Variants in PTPRN2 observed in about 807,000 individuals in gnomAD.
PTPRN2 encodes receptor-type tyrosine-protein phosphatase N2.
Under a neutral mutation model 118.8 loss-of-function variants are expected in PTPRN2, and 74 were observed. The observed-to-expected ratio is 0.62, with a 90% CI of 0.52 to 0.76. The LOEUF is 0.76. Among genes scored for constraint, PTPRN2 ranks in the 30% least tolerant of loss-of-function variants. PTPRN2 has a pLI of 0.00. For synonymous variants in PTPRN2, 641 were observed against 608.0 expected, an observed-to-expected ratio of 1.05 and a Z score of -0.80; for missense variants, 1,481 against 1,394.4, an observed-to-expected ratio of 1.06 and a Z score of -0.99.
chr7:158,089,406 A>C (rs1304378842), intron 10 of PTPRN2, among the ~76,000 whole-genome samples: 1 of 39,030 alleles, frequency 2.6e-5, no homozygotes, highest in African/African-American at 4.9e-5. Context: ...TCTTCACACA[A>C]ACCTTCCTCC....
intron 13 of PTPRN2, among the ~76,000 whole-genome samples, chr7:157,664,414 C>T (rs1038428270): frequency 6.6e-6 from 1 of 152,268 alleles, no homozygotes; most frequent in African/African-American, 2.4e-5. Context: ...CAGCCAGTGA[C>T]AGAAATGGCC....
At chr7:157,653,519 G>C (rs1301149741) in intron 14 of PTPRN2, among the ~76,000 whole-genome samples, 4 of 152,108 alleles carry the variant, frequency 2.6e-5, no homozygotes, top group African/African-American at 9.7e-5. Flanking sequence ...GTGGCGGTCA[G>C]TGCCCCGAGA....
intron 6 of PTPRN2, among the ~76,000 whole-genome samples, chr7:158,163,774 T>C (rs1029862399): frequency 3.9e-5 from 6 of 152,102 alleles, no homozygotes; most frequent in African/African-American, 1.5e-4. Context: ...TGTACGGGGT[T>C]CTCAATTCTA....
rs1476314105 is a variant in PTPRN2, at chr7:158,544,911, C to G, written c.112+42647G>C. Among the ~76,000 whole-genome samples, 1 of 152,216 alleles carries G rather than the reference C, an allele frequency of 6.6e-6. No homozygotes were observed. The highest frequency in any genetic ancestry group is 1.5e-5 in the Non-Finnish European group (1 of 68,040). On this transcript the variant is annotated intron_variant, in intron 1 of 22. Coordinates refer to ENST00000389418, the MANE Select transcript of PTPRN2 (RefSeq NM_002847.5). This position sits in a 1 kb window ranked among gnomAD's most constrained non-coding sequence, Gnocchi z 4.2. ...ACACTGGTGCTCACACTCACGTGAT[C>G]ACACCCACTCTTTCTTCTTGTGGAA...
chr7:157,667,142 G>A (rs1172588634), intron 13 of PTPRN2, among the ~76,000 whole-genome samples: 1 of 103,118 alleles, frequency 9.7e-6, no homozygotes, highest in South Asian at 2.9e-4. Flanking sequence ...TACACAGCCT[G>A]GCTTGCACGC....
intron 1 of PTPRN2, among the ~76,000 whole-genome samples, chr7:158,535,248 A>T (rs1410000001): frequency 6.6e-6 from 1 of 152,228 alleles, no homozygotes; most frequent in Non-Finnish European, 1.5e-5. Flanking sequence ...AGATACTCTT[A>T]ACTACTCAGT....
At chr7:158,363,661 G>A (rs1259570759) in intron 2 of PTPRN2, among the ~76,000 whole-genome samples, 1 of 152,192 alleles carries the variant, frequency 6.6e-6, no homozygotes, top group Non-Finnish European at 1.5e-5. Flanking sequence ...CCAGAACTCC[G>A]AGGTGAGACA....
intron 12 of PTPRN2, among the ~76,000 whole-genome samples, chr7:157,839,834 C>CGTGTGACTGTGTGACTGT (rs1182152730): frequency 1.5e-5 from 2 of 129,316 alleles, no homozygotes; most frequent in African/African-American, 3.3e-5. Flanking sequence ...TGTGTGGCCA[C>CGTGTGACTGTGTGACTGT]GTGTGACTGT....
chr7:157,610,674 C>T lies in PTPRN2; in HGVS notation c.2345-6599G>A, dbSNP rs1269023132. Among the ~76,000 whole-genome samples the T allele has an allele frequency of 6.6e-6, 1 of 152,142 alleles. No individual in the cohort carries two copies. Among genetic ancestry groups the T allele is most frequent in the African/African-American group, 2.4e-5 (1 of 41,422 alleles). On this transcript the variant is annotated intron_variant, in intron 15 of 22. Transcript: ENST00000389418. This position sits in a 1 kb window ranked among gnomAD's most constrained non-coding sequence, Gnocchi z 5.1. ...TAGTTGAGGCAAAGGAATAAATGATCGGACCACGTTTGTTTCAATACTCTG... is the reference window on the plus strand; with the variant it reads ...TAGTTGAGGCAAAGGAATAAATGATTGGACCACGTTTGTTTCAATACTCTG...
At chr7:157,855,399 A>G (rs1243574203) in intron 12 of PTPRN2, among the ~76,000 whole-genome samples, 2 of 152,200 alleles carry the variant, frequency 1.3e-5, no homozygotes, top group Non-Finnish European at 2.9e-5. Flanking sequence ...ACAGTTTCCA[A>G]ACAACAAACA....
At chr7:158,252,841 C>A (rs553408929) in intron 3 of PTPRN2, among the ~76,000 whole-genome samples, 1 of 152,142 alleles carries the variant, frequency 6.6e-6, no homozygotes, top group Admixed American at 6.6e-5. Flanking sequence ...GCCACCCCCA[C>A]CACCCCCGAT....
chr7:158,225,479 C>T (rs1191581221), intron 3 of PTPRN2, among the ~76,000 whole-genome samples: 2 of 152,284 alleles, frequency 1.3e-5, no homozygotes, highest in East Asian at 3.9e-4. Context: ...AGGATAGATG[C>T]TATATAATTT....
At chr7:158,083,356 A>C (rs887678909) in intron 10 of PTPRN2, among the ~76,000 whole-genome samples, 9 of 152,174 alleles carry the variant, frequency 5.9e-5, no homozygotes, top group Non-Finnish European at 1.2e-4. Context: ...TGTACCCCCG[A>C]AACAACGCTG....
Position 157,669,144 on chromosome 7 carries a change from C to T in PTPRN2, c.2002-12593G>A, listed in dbSNP as rs10233412. ...GGGGTCTGGGTGCATCTGGGGCAGC[C>T]CTGTGAGACCTCAGGGAACACAGGG... is the stretch of plus-strand genomic sequence containing the variant. On this transcript the variant is annotated intron_variant, in intron 13 of 22. Coordinates refer to ENST00000389418, the MANE Select transcript of PTPRN2 (RefSeq NM_002847.5). 4.0e-3 allele frequency among the ~76,000 whole-genome samples: 612 copies of T among 152,306 alleles called. 2 individuals are homozygous for T. The highest frequency in any genetic ancestry group is 0.014 in the African/African-American group (569 of 41,548).
At position 157,556,614 on chromosome 7, in the gene PTPRN2, ACAT is replaced by A. The variant is rs1347328751; in HGVS notation, c.2903-7598_2903-7596del. On this transcript the variant is annotated intron_variant, in intron 21 of 22. Coordinates refer to ENST00000389418, the MANE Select transcript of PTPRN2 (RefSeq NM_002847.5). ...ACACATCCAAACACACACACCCCAC[ACAT>A]CATACATATGCACATGCACACACAC... 2.6e-5 allele frequency among the ~76,000 whole-genome samples: 4 copies of A among 151,476 alleles called. 1 individual carries two copies. In the South Asian group the frequency reaches 6.3e-4, roughly 24 times the overall value.
At chr7:157,693,172 T>C (rs1797600454) in intron 12 of PTPRN2, among the ~76,000 whole-genome samples, 1 of 151,388 alleles carries the variant, frequency 6.6e-6, no homozygotes, top group Non-Finnish European at 1.5e-5. Context: ...GGGAGGGGGC[T>C]CGGAGGAGGG....
chr7:158,540,178 G>A (rs2129449418), intron 1 of PTPRN2, among the ~76,000 whole-genome samples: 1 of 152,310 alleles, frequency 6.6e-6, no homozygotes, highest in Non-Finnish European at 1.5e-5. Context: ...CTAGCCAAGG[G>A]CCTCACTCTG....
rs891171392 is a variant in PTPRN2 at position 158,546,098 on chromosome 7, C to T, written c.112+41460G>A. Among the ~76,000 whole-genome samples, 24 of 152,300 alleles carry T rather than the reference C, an allele frequency of 1.6e-4. No homozygotes were observed. The highest frequency in any genetic ancestry group is 6.8e-3 in the Middle Eastern group (2 of 294). On this transcript the variant is annotated intron_variant, in intron 1 of 22. Transcript: ENST00000389418. This position sits in a 1 kb window ranked among gnomAD's most constrained non-coding sequence, Gnocchi z 5.0. The stretch of plus-strand genomic sequence containing the variant: ...GACCAAAAAAACTGGGCCAACGGCC[C>T]ACAAACACGTGAGCCAGGTGAAGGG...
intron 9 of PTPRN2, among the ~76,000 whole-genome samples, chr7:158,115,502 C>T (rs991015926): frequency 6.6e-6 from 1 of 152,056 alleles, no homozygotes; most frequent in Non-Finnish European, 1.5e-5. Flanking sequence ...CAATCTTTAG[C>T]CCCAAGGTGA....
Sources: gnomAD v4.1 joint callset for allele counts (sites outside exome capture counted in the v4.1 genomes callset) on GRCh38, gnomAD v4.1.1 for gene constraint, Gnocchi (gnomAD v3.1) non-coding constraint, MANE v1.5 for transcripts, NCBI Gene and HGNC (gene_info 2026-07-23, HGNC 2026-07-21) for gene names.